Variants in NLGN1 observed in about 807,000 individuals in gnomAD.
NLGN1 encodes neuroligin-1.
A neutral mutation model predicts 65.5 loss-of-function variants in NLGN1; 12 were observed. That is an observed-to-expected ratio of 0.18 (90% CI 0.12 to 0.30). The LOEUF (loss-of-function observed/expected upper bound fraction) is 0.30. Ranked by LOEUF, NLGN1 falls within the 10% of genes least tolerant of loss-of-function variation. NLGN1 has a pLI of 1.00. For missense variants in NLGN1, 750 were observed against 1,007.1 expected (o/e 0.74, Z 3.46); for synonymous variants, 350 against 359.5 (o/e 0.97, Z 0.30).
intron 3 of NLGN1, among the ~76,000 whole-genome samples, chr3:173,712,866 C>G (rs930642787): frequency 8.6e-5 from 13 of 151,672 alleles, no homozygotes; most frequent in Non-Finnish European, 5.9e-5. Context: ...AACTTCAGAA[C>G]AGGTTGGTTG....
chr3:173,433,703 C>G lies in NLGN1; in HGVS notation c.-389-1307C>G, dbSNP rs1324891454. On this transcript the variant is annotated intron_variant, in intron 1 of 6. Coordinates refer to ENST00000457714, the Ensembl canonical transcript of NLGN1. Reference sequence around the variant, plus strand: ...GTTGAGTGTTTAATTTATAAGCGACCAAGCTCTTGATCATTTTGCTCCCTC... The same window carrying G: ...GTTGAGTGTTTAATTTATAAGCGACGAAGCTCTTGATCATTTTGCTCCCTC... Among the ~76,000 whole-genome samples, 7 of 151,888 alleles carry G rather than the reference C, an allele frequency of 4.6e-5. No individual in the cohort carries two copies. In the South Asian group the frequency reaches 1.5e-3, roughly 32 times the overall value.
Position 173,418,427 on chromosome 3 carries a change from A to T in NLGN1, c.-389-16583A>T, listed in dbSNP as rs569769842. Among the ~76,000 whole-genome samples, 185 of 152,238 alleles carry T rather than the reference A, an allele frequency of 1.2e-3. 1 individual carries two copies. Among genetic ancestry groups the T allele is most frequent in the Non-Finnish European group, 1.5e-3 (102 of 68,010 alleles). Reference sequence around the variant, plus strand: ...CACACTTTAAATTATTTCAATGTATATTCCTAAGGTGCCTTCCATAAAGGT... The same window carrying T: ...CACACTTTAAATTATTTCAATGTATTTTCCTAAGGTGCCTTCCATAAAGGT... On this transcript the variant is annotated intron_variant, in intron 1 of 6. Transcript: ENST00000457714.
chr3:173,502,197 T>G (rs1036415061), intron 2 of NLGN1, among the ~76,000 whole-genome samples: 7 of 152,142 alleles, frequency 4.6e-5, no homozygotes, highest in African/African-American at 1.7e-4. Context: ...GATATTCTAT[T>G]TTTCAATGTT....
intron 4 of NLGN1, among the ~76,000 whole-genome samples, chr3:174,239,827 A>C (rs1269886335): frequency 6.6e-6 from 1 of 152,192 alleles, no homozygotes; most frequent in Non-Finnish European, 1.5e-5. Flanking sequence ...GACCAACTGC[A>C]GGGATGGAAA....
At chr3:173,976,307 G>A (rs1382236394) in intron 4 of NLGN1, among the ~76,000 whole-genome samples, 6 of 152,022 alleles carry the variant, frequency 3.9e-5, no homozygotes, top group Non-Finnish European at 8.8e-5. Context: ...GACTAGCTAA[G>A]TACAAGATTC....
chr3:173,714,615 T>C (rs1578090906), intron 3 of NLGN1, among the ~76,000 whole-genome samples: 1 of 152,108 alleles, frequency 6.6e-6, no homozygotes, highest in African/African-American at 2.4e-5. Context: ...CCCATTTATT[T>C]TAGAGAATGA....
At chr3:174,128,425 T>C (rs1719423716) in intron 4 of NLGN1, among the ~76,000 whole-genome samples, 1 of 152,158 alleles carries the variant, frequency 6.6e-6, no homozygotes, top group Non-Finnish European at 1.5e-5. Context: ...AATTTTAACG[T>C]TTTCTGAAAT....
At chr3:173,466,735 A>T (rs1229071733) in intron 2 of NLGN1, among the ~76,000 whole-genome samples, 1 of 152,230 alleles carries the variant, frequency 6.6e-6, no homozygotes, top group East Asian at 1.9e-4. Flanking sequence ...ACAATATTAA[A>T]TTTAGATTTG....
At chr3:173,875,930 A>T (rs1732019632) in intron 4 of NLGN1, among the ~76,000 whole-genome samples, 1 of 152,162 alleles carries the variant, frequency 6.6e-6, no homozygotes, top group Non-Finnish European at 1.5e-5. Flanking sequence ...GCTTACAAAG[A>T]GTTTAGTGCT....
intron 5 of NLGN1, among the ~76,000 whole-genome samples, chr3:174,276,319 G>A (rs692121): frequency 0.11 from 16,048 of 151,762 alleles, 980 homozygotes; most frequent in African/African-American, 0.14. Flanking sequence ...ACCATGCATA[G>A]AATCACCCAT....
chr3:173,478,946 A>G (rs990896319), intron 2 of NLGN1, among the ~76,000 whole-genome samples: 1 of 152,072 alleles, frequency 6.6e-6, no homozygotes, highest in Non-Finnish European at 1.5e-5. Flanking sequence ...GGAAAATAGT[A>G]CTTCAATCTG....
intron 4 of NLGN1, among the ~76,000 whole-genome samples, chr3:174,198,880 G>A (rs1243604601): frequency 3.5e-5 from 4 of 115,734 alleles, no homozygotes; most frequent in Non-Finnish European, 3.3e-5. Context: ...ACGGAGTCTC[G>A]CTCTGTTTCC....
intron 3 of NLGN1, among the ~76,000 whole-genome samples, chr3:173,660,804 C>A (rs1451687675): frequency 6.6e-6 from 1 of 151,958 alleles, no homozygotes; most frequent in Non-Finnish European, 1.5e-5. Flanking sequence ...TGAGAAAATA[C>A]TGGTTCATAT....
intron 4 of NLGN1, among the ~76,000 whole-genome samples, chr3:173,843,500 C>A (rs1039441228): frequency 2.6e-5 from 4 of 152,198 alleles, no homozygotes; most frequent in African/African-American, 9.7e-5. Context: ...CCTAAGTCAC[C>A]TCTTGAATGC....
chr3:173,913,371 A>G (rs760161883), intron 4 of NLGN1, among the ~76,000 whole-genome samples: 3 of 152,206 alleles, frequency 2.0e-5, no homozygotes, highest in East Asian at 1.9e-4. Flanking sequence ...AATAGCAGCT[A>G]TAAGTCTTTT....
At chr3:173,413,442 A>G (rs1713020424) in intron 1 of NLGN1, among the ~76,000 whole-genome samples, 1 of 151,968 alleles carries the variant, frequency 6.6e-6, no homozygotes, top group Non-Finnish European at 1.5e-5. Flanking sequence ...TCTACTAAAA[A>G]TACAAAAATA....
At chr3:173,456,930 G>C (rs1338655544) in intron 2 of NLGN1, among the ~76,000 whole-genome samples, 1 of 152,072 alleles carries the variant, frequency 6.6e-6, no homozygotes, top group African/African-American at 2.4e-5. Context: ...AAGAGTTGTG[G>C]TCATAAAGAA....
chr3:173,616,701 G>A (rs148105193), intron 3 of NLGN1, among the ~76,000 whole-genome samples: 2 of 152,066 alleles, frequency 1.3e-5, no homozygotes, highest in African/African-American at 2.4e-5. Flanking sequence ...TCCATTTCTC[G>A]CATCCTGATC....
intron 4 of NLGN1, among the ~76,000 whole-genome samples, chr3:173,964,234 G>A (rs1331586767): frequency 6.6e-6 from 1 of 152,134 alleles, no homozygotes; most frequent in Non-Finnish European, 1.5e-5. Context: ...GTCCTGGAAG[G>A]GCTGCCACAG....
Sources: gnomAD v4.1 joint callset for allele counts (sites outside exome capture counted in the v4.1 genomes callset) on GRCh38, gnomAD v4.1.1 for gene constraint, MANE v1.5 for transcripts, NCBI Gene and HGNC (gene_info 2026-07-23, HGNC 2026-07-21) for gene names.